SGPL1: variants seen among roughly 807,000 people sequenced by gnomAD.
SGPL1 encodes the protein SP-lyase 1.
In SGPL1, 37 loss-of-function variants were observed where a neutral mutation model predicts 68.9. The observed-to-expected ratio is 0.54, with a 90% CI of 0.41 to 0.71. The LOEUF (loss-of-function observed/expected upper bound fraction) is 0.71. SGPL1 is among the 30% of genes least tolerant of loss of function. The probability of loss-of-function intolerance (pLI) is 0.00; values close to 1 mark genes in which losing one functional copy is unlikely to be tolerated. For synonymous variants in SGPL1, 236 were observed against 248.5 expected, an observed-to-expected ratio of 0.95 and a Z score of 0.47; for missense variants, 551 against 704.6, an observed-to-expected ratio of 0.78 and a Z score of 2.47.
At chr10:70,866,846 C>G (rs888110177) in intron 7 of SGPL1, 5 of 152,194 alleles carry the variant, frequency 3.3e-5, no homozygotes, top group African/African-American at 1.2e-4. Context: ...CTCAGTTCAT[C>G]TTCCATATAA....
At position 70,877,341 on chromosome 10, in the gene SGPL1, G is replaced by C. The variant is rs1242402326; in HGVS notation, c.*6G>C. ...GTTCTCCAAAACCCCACTGAACTTG[G>C]ACCCTTTCTAGTCTCAAGGGGATTC... On this transcript the variant is annotated 3_prime_UTR_variant, in exon 15 of 15. Transcript: ENST00000373202. The C allele has an allele frequency of 6.2e-7, 1 of 1,613,976 alleles. No individual in the cohort carries two copies. Among genetic ancestry groups the C allele is most frequent in the African/African-American group, 1.3e-5 (1 of 74,916 alleles).
chr10:70,865,153 C>G (rs1324382721), intron 7 of SGPL1, among the ~76,000 whole-genome samples: 1 of 151,880 alleles, frequency 6.6e-6, no homozygotes, highest in African/African-American at 2.4e-5. Context: ...GGTACAGTTT[C>G]AAGGGCTGAT....
intron 2 of SGPL1, among the ~76,000 whole-genome samples, chr10:70,830,096 T>C (rs1252484457): frequency 6.6e-6 from 1 of 152,164 alleles, no homozygotes; most frequent in South Asian, 2.1e-4. Flanking sequence ...CAGAAGGCCT[T>C]TTAAATTTTA....
At chr10:70,838,604 G>A (rs1342827404) in intron 2 of SGPL1, among the ~76,000 whole-genome samples, 1 of 152,178 alleles carries the variant, frequency 6.6e-6, no homozygotes, top group Non-Finnish European at 1.5e-5. Flanking sequence ...AATAACATTA[G>A]TGTTAGCTCC....
chr10:70,855,257 T>G (rs1285857608), intron 5 of SGPL1, among the ~76,000 whole-genome samples: 1 of 152,244 alleles, frequency 6.6e-6, no homozygotes, highest in African/African-American at 2.4e-5. Context: ...GTGTCTATCT[T>G]TATGCATGTA....
chr10:70,821,849 G>A (rs1484406699), intron 2 of SGPL1, among the ~76,000 whole-genome samples: 1 of 152,114 alleles, frequency 6.6e-6, no homozygotes, highest in Non-Finnish European at 1.5e-5. Flanking sequence ...TTTTGCCCAT[G>A]GGTCAAGCCT....
intron 2 of SGPL1, among the ~76,000 whole-genome samples, chr10:70,823,452 G>A (rs1389916495): frequency 2.0e-5 from 3 of 149,088 alleles, no homozygotes; most frequent in Non-Finnish European, 4.4e-5. Context: ...CCAACCTGAT[G>A]ACAAACACTA....
chr10:70,851,614 T>C (rs1038209313), intron 4 of SGPL1, among the ~76,000 whole-genome samples: 1 of 152,228 alleles, frequency 6.6e-6, no homozygotes, highest in African/African-American at 2.4e-5. Flanking sequence ...ACTGTATTGT[T>C]AGGTGCTTTG....
chr10:70,844,827 C>T (rs1315686249), intron 3 of SGPL1, among the ~76,000 whole-genome samples, 189 bp downstream of exon 3: 1 of 152,160 alleles, frequency 6.6e-6, no homozygotes, highest in Non-Finnish European at 1.5e-5. Flanking sequence ...GCAACCTCTG[C>T]CTCCCAGGTT....
At chr10:70,819,937 C>G (rs1845310607) in intron 2 of SGPL1, among the ~76,000 whole-genome samples, 2 of 152,108 alleles carry the variant, frequency 1.3e-5, no homozygotes, top group South Asian at 2.1e-4. Context: ...TGTACCTGGC[C>G]TGTGATGCAG....
intron 3 of SGPL1, 105 bp downstream of exon 3, chr10:70,844,743 T>C: frequency 8.9e-7 from 1 of 1,122,122 alleles, no homozygotes; most frequent in Non-Finnish European, 1.3e-6. Context: ...GTTTTTTTGT[T>C]TGTTTGTTTG....
intron 2 of SGPL1, among the ~76,000 whole-genome samples, chr10:70,817,317 C>A (rs1470781320): frequency 6.6e-6 from 1 of 152,224 alleles, no homozygotes; most frequent in East Asian, 1.9e-4. Flanking sequence ...CCGCGCCTGG[C>A]CAACCACCTT....
At chr10:70,870,529 A>G (rs1359057603) in intron 9 of SGPL1, among the ~76,000 whole-genome samples, 2 of 151,376 alleles carry the variant, frequency 1.3e-5, no homozygotes, top group Non-Finnish European at 2.9e-5. Context: ...AAAGACTCTC[A>G]CTGTGGTTTA....
intron 7 of SGPL1, among the ~76,000 whole-genome samples, chr10:70,865,545 C>T (rs193174505): frequency 2.6e-5 from 4 of 152,326 alleles, no homozygotes; most frequent in Admixed American, 2.6e-4. Flanking sequence ...GTCTCCCCCA[C>T]TCCTCCCTTA....
intron 3 of SGPL1, among the ~76,000 whole-genome samples, chr10:70,850,106 C>G (rs1203998702): frequency 6.6e-6 from 1 of 152,138 alleles, no homozygotes; most frequent in African/African-American, 2.4e-5. Flanking sequence ...TTATTATGAT[C>G]GACAGGATTT....
intron 3 of SGPL1, among the ~76,000 whole-genome samples, chr10:70,847,820 A>G (rs1050739278): frequency 2.6e-5 from 4 of 152,322 alleles, no homozygotes; most frequent in African/African-American, 9.6e-5. Context: ...TTGCTGAACA[A>G]TCAAGTTATT....
intron 3 of SGPL1, among the ~76,000 whole-genome samples, chr10:70,850,893 C>T (rs1845868601): frequency 1.3e-5 from 2 of 151,480 alleles, no homozygotes; most frequent in South Asian, 2.1e-4. Flanking sequence ...TGGGGGGATA[C>T]GTTTGAGAGA....
At chr10:70,816,345 C>G (rs1845227652) in intron 1 of SGPL1, among the ~76,000 whole-genome samples, 1 of 150,464 alleles carries the variant, frequency 6.6e-6, no homozygotes, top group African/African-American at 2.4e-5. Flanking sequence ...TGGGGCGGGT[C>G]TGGAGCCCAC....
At position 70,879,724 on chromosome 10, in the gene SGPL1, G is replaced by T. The variant is rs1473466657; in HGVS notation, c.*2389G>T. 6.6e-6 allele frequency: 1 copy of T among 152,592 alleles called. No homozygotes were observed. The allele number at this position is 152,592 out of a possible 1,614,324, so 9.5% of individuals were successfully genotyped here. On this transcript the variant is annotated 3_prime_UTR_variant, in exon 15 of 15. Transcript: ENST00000373202. ...ATGGTGTTTTTCAAAGGGACCTACT[G>T]TAGCCACTTTAATTTACAATTAAGA...
Sources: allele counts gnomAD v4.1 joint callset (sites outside exome capture counted in the v4.1 genomes callset), GRCh38; gene constraint gnomAD v4.1.1; transcripts MANE v1.5; gene names NCBI Gene and HGNC (gene_info 2026-07-23, HGNC 2026-07-21).